The following GPHN variants were observed in gnomAD, a reference collection of about 807,000 sequenced individuals.
GPHN encodes gephyrin.
GPHN carries 17 observed loss-of-function variants against 95.5 expected under a neutral mutation model. The observed-to-expected ratio is 0.18, with a 90% CI of 0.12 to 0.27. The LOEUF (loss-of-function observed/expected upper bound fraction) is 0.27. Ranked by LOEUF, GPHN falls within the 10% of genes least tolerant of loss-of-function variation. The pLI is 1.00. For missense variants in GPHN, 660 were observed against 978.1 expected, an observed-to-expected ratio of 0.67 and a Z score of 4.34; for synonymous variants, 320 against 322.5, an observed-to-expected ratio of 0.99 and a Z score of 0.08.
chr14:66,841,022 GATATAGA>G (rs1567006799), intron 4 of GPHN, among the ~76,000 whole-genome samples: 35 of 142,506 alleles, frequency 2.5e-4, no homozygotes, highest in East Asian at 8.1e-4. Context: ...TATAGATATA[GATATAGA>G]TATAGGTATA....
chr14:67,636,140 G>A, the GPHN span, among the ~76,000 whole-genome samples: 60 of 152,186 alleles, frequency 3.9e-4, no homozygotes, highest in African/African-American at 1.4e-3. Flanking sequence ...TGGGTTGCCT[G>A]TGGCTCAGCA....
At chr14:66,988,199 A>G (rs1339582410) in intron 9 of GPHN, among the ~76,000 whole-genome samples, 1 of 152,068 alleles carries the variant, frequency 6.6e-6, no homozygotes, top group Non-Finnish European at 1.5e-5. Context: ...AGAGGACCCT[A>G]AAGCCACACT....
In GPHN at chr14:66,621,003, C is replaced by T. The variant is rs149052669; in HGVS notation, c.65-60104C>T. 3.6e-3 allele frequency among the ~76,000 whole-genome samples: 547 copies of T among 152,236 alleles called. 1 individual carries two copies. The highest frequency in any genetic ancestry group is 0.013 in the African/African-American group (522 of 41,554). The stretch of plus-strand genomic sequence containing the variant: ...TTTGAGAGAGAGAGTCTAACTCTGT[C>T]GCCCAGGCTGGAGTGCACTGGCGTG... On this transcript the variant is annotated intron_variant, in intron 1 of 22. Transcript: ENST00000478722.
At chr14:66,690,630 G>C (rs1240501366) in intron 2 of GPHN, among the ~76,000 whole-genome samples, 1 of 152,160 alleles carries the variant, frequency 6.6e-6, no homozygotes, top group African/African-American at 2.4e-5. Context: ...TATTGTATCA[G>C]AATTTATTCC....
chr14:67,002,561 T>A (rs756804026), intron 9 of GPHN, among the ~76,000 whole-genome samples: 1 of 151,392 alleles, frequency 6.6e-6, no homozygotes, highest in Non-Finnish European at 1.5e-5. Context: ...TTTAACATAC[T>A]GTTTAAAGTT....
chr14:66,872,722 C>T (rs981505057), intron 4 of GPHN, among the ~76,000 whole-genome samples: 7 of 151,914 alleles, frequency 4.6e-5, no homozygotes, highest in Admixed American at 4.6e-4. Context: ...ATGGTGAAAC[C>T]CCATCTCTAC....
intron 9 of GPHN, among the ~76,000 whole-genome samples, chr14:67,006,987 T>A (rs1405699987): frequency 6.6e-6 from 1 of 152,196 alleles, no homozygotes; most frequent in Non-Finnish European, 1.5e-5. Context: ...TTCCCTCATA[T>A]CCATGACAAT....
chr14:67,359,780 T>C, the GPHN span: 1 of 1,525,754 alleles, frequency 6.6e-7, no homozygotes, highest in South Asian at 1.1e-5. Context: ...CACAGTGTCT[T>C]CCTCTACGGG....
chr14:66,655,721 A>C (rs2065268200), intron 1 of GPHN, among the ~76,000 whole-genome samples: 1 of 151,516 alleles, frequency 6.6e-6, no homozygotes, highest in Non-Finnish European at 1.5e-5. Flanking sequence ...ATTAAGAATG[A>C]TGTTAGTAGA....
At chr14:66,638,028 A>G (rs2064194908) in intron 1 of GPHN, among the ~76,000 whole-genome samples, 2 of 152,084 alleles carry the variant, frequency 1.3e-5, no homozygotes, top group East Asian at 1.9e-4. Flanking sequence ...TTTAAATTTT[A>G]TATTTACCAC....
At chr14:66,774,705 T>G (rs117511030) in intron 2 of GPHN, among the ~76,000 whole-genome samples, 1,830 of 152,320 alleles carry the variant, frequency 0.012, 19 homozygotes, top group Non-Finnish European at 0.018. Context: ...TTTATTTCTA[T>G]CTGATTTTAT....
chr14:67,439,785 T>C, the GPHN span, among the ~76,000 whole-genome samples: 1 of 152,126 alleles, frequency 6.6e-6, no homozygotes, highest in Non-Finnish European at 1.5e-5. Flanking sequence ...TTTTGTTCTT[T>C]ATGCTTTTAG....
At chr14:67,122,672 T>TA (rs1265757954) in intron 17 of GPHN, among the ~76,000 whole-genome samples, 1 of 152,222 alleles carries the variant, frequency 6.6e-6, no homozygotes, top group African/African-American at 2.4e-5. Flanking sequence ...GTGATGGCAT[T>TA]ATTCTGATGC....
chr14:67,159,392 G>A (rs963811508), intron 18 of GPHN, 23 bp from the exon 19 acceptor site: 1 of 1,367,512 alleles, frequency 7.3e-7, no homozygotes, highest in Non-Finnish European at 1.0e-6. Flanking sequence ...TGAAAGTAAA[G>A]TGATTATTTT....
the GPHN span, among the ~76,000 whole-genome samples, chr14:67,556,516 C>T: frequency 3.3e-5 from 5 of 152,110 alleles, no homozygotes; most frequent in African/African-American, 1.2e-4. Flanking sequence ...GGGGTTTAAG[C>T]AGTCCTCCTG....
intron 1 of GPHN, among the ~76,000 whole-genome samples, chr14:66,545,360 C>G (rs561554244): frequency 6.9e-6 from 1 of 144,030 alleles, no homozygotes; most frequent in Non-Finnish European, 1.5e-5. Context: ...CCCTCCCGGA[C>G]GGGGCGACTG....
At chr14:66,787,087 G>T (rs1261114535) in intron 3 of GPHN, among the ~76,000 whole-genome samples, 1 of 152,060 alleles carries the variant, frequency 6.6e-6, no homozygotes, top group Non-Finnish European at 1.5e-5. Context: ...CTCCCTGTTT[G>T]CAGACCACTT....
the GPHN span, among the ~76,000 whole-genome samples, chr14:67,405,236 A>AG: frequency 1.3e-5 from 2 of 151,770 alleles, no homozygotes; most frequent in Non-Finnish European, 2.9e-5. Flanking sequence ...AAAAAAAAAA[A>AG]AAAAAAAAAA....
chr14:66,580,632 A>C (rs915374975), intron 1 of GPHN, among the ~76,000 whole-genome samples: 1 of 151,872 alleles, frequency 6.6e-6, no homozygotes, highest in African/African-American at 2.4e-5. Flanking sequence ...ATCATGAAGA[A>C]GTTGAAAATC....
Sources: allele counts gnomAD v4.1 joint callset (sites outside exome capture counted in the v4.1 genomes callset), GRCh38; gene constraint gnomAD v4.1.1; transcripts MANE v1.5; gene names NCBI Gene and HGNC (gene_info 2026-07-23, HGNC 2026-07-21).